The following MPPED2 variants were observed in gnomAD, a reference collection of about 807,000 sequenced individuals.
The protein encoded by MPPED2 is metallophosphoesterase domain containing 2.
MPPED2 carries 5 observed loss-of-function variants against 33.0 expected under a neutral mutation model. The ratio of observed to expected loss-of-function variants is 0.15; its 90% CI spans 0.08 to 0.32. MPPED2 has a LOEUF of 0.32. Ranked by LOEUF, MPPED2 falls within the 10% of genes least tolerant of loss-of-function variation. MPPED2 has a pLI of 1.00. For missense variants in MPPED2, 275 were observed against 372.1 expected (o/e 0.74, Z 2.15); for synonymous variants, 136 against 141.9 (o/e 0.96, Z 0.29).
intron 4 of MPPED2, among the ~76,000 whole-genome samples, chr11:30,437,677 G>A (rs1949382955): frequency 6.6e-6 from 1 of 152,122 alleles, no homozygotes; most frequent in Non-Finnish European, 1.5e-5. Flanking sequence ...TCTAGACTCT[G>A]TGCTTTGAAA....
chr11:30,433,571 G>A (rs916217693), intron 4 of MPPED2, among the ~76,000 whole-genome samples: 3 of 152,108 alleles, frequency 2.0e-5, no homozygotes, highest in African/African-American at 4.8e-5. Flanking sequence ...CCTGGAAGCC[G>A]ATCTCCTTGA....
chr11:30,449,689 C>G (rs1226701121), intron 4 of MPPED2, among the ~76,000 whole-genome samples: 1 of 152,134 alleles, frequency 6.6e-6, no homozygotes, highest in Non-Finnish European at 1.5e-5. Context: ...ATCTGTTCTC[C>G]CCTTTTCTGC....
At chr11:30,583,621 C>T (rs901287801) in intron 1 of MPPED2, among the ~76,000 whole-genome samples, 2 of 152,118 alleles carry the variant, frequency 1.3e-5, no homozygotes, top group Non-Finnish European at 2.9e-5. Context: ...ATATTCTTTT[C>T]CAGGAATCTA....
At chr11:30,392,718 A>T (rs1308150568) in intron 6 of MPPED2, among the ~76,000 whole-genome samples, 5 of 152,192 alleles carry the variant, frequency 3.3e-5, no homozygotes, top group African/African-American at 1.2e-4. Context: ...GCTCAGGAGC[A>T]TGAGATAGTA....
At chr11:30,501,848 TAACATGC>T (rs1368350987) in intron 3 of MPPED2, among the ~76,000 whole-genome samples, 1 of 152,226 alleles carries the variant, frequency 6.6e-6, no homozygotes, top group African/African-American at 2.4e-5. Context: ...TCTGGACATT[TAACATGC>T]CACTTATAAT....
intron 3 of MPPED2, among the ~76,000 whole-genome samples, chr11:30,526,662 C>T (rs1392272817): frequency 6.6e-6 from 1 of 151,184 alleles, no homozygotes; most frequent in African/African-American, 2.4e-5. Context: ...CGAAATCGTG[C>T]CACTGCACTC....
At chr11:30,414,853 G>A (rs10767843) in intron 5 of MPPED2, among the ~76,000 whole-genome samples, 1 of 152,228 alleles carries the variant, frequency 6.6e-6, no homozygotes, top group East Asian at 1.9e-4. Context: ...GCTTTGGAAA[G>A]CTAGGTTGCT....
At chr11:30,503,541 G>C (rs1018872219) in intron 3 of MPPED2, among the ~76,000 whole-genome samples, 3 of 151,850 alleles carry the variant, frequency 2.0e-5, no homozygotes, top group African/African-American at 7.3e-5. Context: ...GGTCAGCAAG[G>C]CTAATTGATT....
chr11:30,389,010 C>T (rs1392203906), intron 6 of MPPED2: 1 of 1,505,548 alleles, frequency 6.6e-7, no homozygotes. Context: ...ATGAACATGA[C>T]CTAAATTATT....
At chr11:30,492,450 T>A (rs994520197) in intron 4 of MPPED2, among the ~76,000 whole-genome samples, 3 of 151,946 alleles carry the variant, frequency 2.0e-5, no homozygotes, top group African/African-American at 7.3e-5. Flanking sequence ...TCAAAAGTAA[T>A]CTTAAATTAT....
chr11:30,449,971 G>A (rs1481518340), intron 4 of MPPED2, among the ~76,000 whole-genome samples: 1 of 152,112 alleles, frequency 6.6e-6, no homozygotes, highest in Non-Finnish European at 1.5e-5. Flanking sequence ...TTTGTTCAAT[G>A]GTATAAGCCC....
intron 3 of MPPED2, among the ~76,000 whole-genome samples, chr11:30,524,347 G>T (rs917027433): frequency 6.6e-6 from 1 of 152,158 alleles, no homozygotes; most frequent in African/African-American, 2.4e-5. Flanking sequence ...AGGCCAGAGA[G>T]AAGTGTGGTG....
At position 30,403,473 on chromosome 11, in the gene MPPED2, CA is replaced by C. The variant is rs571587822; in HGVS notation, c.766+10754del. ...TTTCTTGTTCCTACAGAATTGATTTCAACAAATTTTCTTAGGTGAAACCTTC... is the reference window on the plus strand; with the variant it reads ...TTTCTTGTTCCTACAGAATTGATTTCACAAATTTTCTTAGGTGAAACCTTC... On this transcript the variant is annotated intron_variant, in intron 6 of 6. Transcript: ENST00000448418. Among the ~76,000 whole-genome samples the C allele has an allele frequency of 2.4e-3, 363 of 152,262 alleles. 2 individuals are homozygous for C. The highest frequency in any genetic ancestry group is 0.01 in the Middle Eastern group (3 of 294).
At chr11:30,531,161 GCTGA>G (rs1198336331) in intron 3 of MPPED2, among the ~76,000 whole-genome samples, 1 of 152,170 alleles carries the variant, frequency 6.6e-6, no homozygotes, top group Non-Finnish European at 1.5e-5. Flanking sequence ...GACAATAGGA[GCTGA>G]CTATCACTTT....
chr11:30,454,094 A>T (rs749828750), intron 4 of MPPED2, among the ~76,000 whole-genome samples: 9 of 152,088 alleles, frequency 5.9e-5, no homozygotes, highest in Non-Finnish European at 1.2e-4. Flanking sequence ...TTTAAAAGGG[A>T]GGGGGCTTCT....
intron 4 of MPPED2, among the ~76,000 whole-genome samples, chr11:30,436,014 T>G (rs1949306548): frequency 6.6e-6 from 1 of 151,778 alleles, no homozygotes; most frequent in African/African-American, 2.4e-5. Context: ...TTATGCGGTG[T>G]TCCTTCCTCT....
At chr11:30,466,857 T>G (rs1950728578) in intron 4 of MPPED2, among the ~76,000 whole-genome samples, 1 of 152,224 alleles carries the variant, frequency 6.6e-6, no homozygotes, top group Admixed American at 6.5e-5. Context: ...TATAATTCCA[T>G]GCCAACTCTG....
At chr11:30,491,211 G>T (rs1181908153) in intron 4 of MPPED2, among the ~76,000 whole-genome samples, 2 of 152,120 alleles carry the variant, frequency 1.3e-5, no homozygotes, top group African/African-American at 4.8e-5. Flanking sequence ...TAATAAAAGA[G>T]GTTAAAAATT....
rs1951575074 is a variant in MPPED2 at position 30,483,289 on chromosome 11, C to T, written c.536+12007G>A. Among the ~76,000 whole-genome samples the T allele has an allele frequency of 1.3e-5, 2 of 152,162 alleles. 1 individual carries two copies. Among genetic ancestry groups the T allele is most frequent in the Non-Finnish European group, 2.9e-5 (2 of 68,024 alleles). On this transcript the variant is annotated intron_variant, in intron 4 of 6. Transcript: ENST00000358117. The stretch of plus-strand genomic sequence containing the variant: ...AAGGAACTAGTCTTGGCTATTTCTT[C>T]TGAAAAACAGGAAGCATTAAGTAAT...
Sources: allele counts gnomAD v4.1 joint callset (sites outside exome capture counted in the v4.1 genomes callset), GRCh38; gene constraint gnomAD v4.1.1; transcripts MANE v1.5; gene names NCBI Gene and HGNC (gene_info 2026-07-23, HGNC 2026-07-21).